Variants in DPP10 observed in about 807,000 individuals in gnomAD.
DPP10 encodes the protein dipeptidyl peptidase like 10.
DPP10 carries 33 observed loss-of-function variants against 120.9 expected under a neutral mutation model. The observed-to-expected ratio is 0.27, with a 90% CI of 0.21 to 0.37. The LOEUF (loss-of-function observed/expected upper bound fraction) is 0.37. Ranked by LOEUF, DPP10 falls within the 10% of genes least tolerant of loss-of-function variation. The pLI is 1.00. For synonymous variants in DPP10, 337 were observed against 326.1 expected, an observed-to-expected ratio of 1.03 and a Z score of -0.36; for missense variants, 816 against 942.8, an observed-to-expected ratio of 0.87 and a Z score of 1.76.
intron 8 of DPP10, among the ~76,000 whole-genome samples, chr2:115,732,420 G>T (rs2092932381): frequency 6.6e-6 from 1 of 152,036 alleles, no homozygotes; most frequent in Non-Finnish European, 1.5e-5. Flanking sequence ...GTATTGTTTA[G>T]TTCCTAAAGA....
intron 3 of DPP10, among the ~76,000 whole-genome samples, chr2:115,479,490 A>G (rs2105253818): frequency 6.6e-6 from 1 of 152,280 alleles, no homozygotes; most frequent in Middle Eastern, 3.4e-3. Flanking sequence ...GGTGGTGGCA[A>G]TGGTTATCCA....
chr2:114,628,357 A>T (rs1042990184), intron 1 of DPP10, among the ~76,000 whole-genome samples: 11 of 152,138 alleles, frequency 7.2e-5, no homozygotes, highest in Admixed American at 1.3e-4. Flanking sequence ...TTAGGAAGCA[A>T]TTTTTCACCA....
intron 1 of DPP10, among the ~76,000 whole-genome samples, chr2:114,957,597 A>G (rs1698309204): frequency 6.6e-6 from 1 of 152,232 alleles, no homozygotes; most frequent in African/African-American, 2.4e-5. Flanking sequence ...CTCTGGATAT[A>G]GTTCCAAAGG....
intron 1 of DPP10, among the ~76,000 whole-genome samples, chr2:115,103,334 C>G (rs2048793361): frequency 6.6e-6 from 1 of 151,944 alleles, no homozygotes; most frequent in Non-Finnish European, 1.5e-5. Flanking sequence ...ACTACAGGCA[C>G]CTGCCACCAC....
intron 5 of DPP10, among the ~76,000 whole-genome samples, chr2:115,635,785 T>C (rs563867039): frequency 3.9e-5 from 6 of 152,178 alleles, no homozygotes; most frequent in Non-Finnish European, 7.3e-5. Flanking sequence ...TTCTTAGGCT[T>C]TATATCATAT....
At chr2:115,078,503 C>T (rs2104479490) in intron 1 of DPP10, among the ~76,000 whole-genome samples, 1 of 152,208 alleles carries the variant, frequency 6.6e-6, no homozygotes, top group East Asian at 1.9e-4. Flanking sequence ...ACTAATGAAA[C>T]CCACTAAAAT....
intron 1 of DPP10, among the ~76,000 whole-genome samples, chr2:114,450,903 T>C (rs17048359): frequency 0.34 from 51,984 of 151,758 alleles, 9,008 homozygotes; most frequent in Admixed American, 0.44. Context: ...GTTCTGGCAC[T>C]CTAGTGAGGC....
At chr2:114,832,101 T>C (rs1397658595) in intron 1 of DPP10, among the ~76,000 whole-genome samples, 1 of 152,138 alleles carries the variant, frequency 6.6e-6, no homozygotes, top group East Asian at 1.9e-4. Flanking sequence ...ACCTTAGTCC[T>C]AAGTTATGAA....
chr2:114,830,460 C>T (rs1382743730), intron 1 of DPP10, among the ~76,000 whole-genome samples: 1 of 152,138 alleles, frequency 6.6e-6, no homozygotes, highest in Non-Finnish European at 1.5e-5. Context: ...TAAAATGTCA[C>T]GTTCTGTTTA....
In DPP10 at chr2:115,677,607, A is replaced by G. The variant is rs568705569; in HGVS notation, c.442-12080A>G. 1.0e-3 allele frequency among the ~76,000 whole-genome samples: 159 copies of G among 152,364 alleles called. 1 individual carries two copies. The highest frequency in any genetic ancestry group is 3.6e-3 in the African/African-American group (148 of 41,602). On this transcript the variant is annotated intron_variant, in intron 5 of 25. Coordinates refer to ENST00000410059, the MANE Select transcript of DPP10 (RefSeq NM_020868.6). Reference sequence around the variant, plus strand: ...GATATTTCATACAAATGGAAATAAAAAGTGAGCAGGAAAGCTATATTTATA... The same window carrying G: ...GATATTTCATACAAATGGAAATAAAGAGTGAGCAGGAAAGCTATATTTATA...
intron 1 of DPP10, among the ~76,000 whole-genome samples, chr2:114,710,982 T>C (rs1310214503): frequency 6.6e-6 from 1 of 152,130 alleles, no homozygotes; most frequent in Non-Finnish European, 1.5e-5. Flanking sequence ...GAGAATGCCA[T>C]CCTCCTGTGT....
chr2:114,688,845 C>T (rs536331453), intron 1 of DPP10, among the ~76,000 whole-genome samples: 182 of 151,880 alleles, frequency 1.2e-3, no homozygotes, highest in African/African-American at 4.3e-3. Flanking sequence ...CCATCGTCAA[C>T]AAAGGAGAAG....
chr2:115,003,067 T>C lies in DPP10; in HGVS notation c.61-306172T>C, dbSNP rs148956738. On this transcript the variant is annotated intron_variant, in intron 1 of 25. Coordinates refer to ENST00000410059, the MANE Select transcript of DPP10 (RefSeq NM_020868.6). ...TCATAAAGGAACATACATCTGTATG[T>C]TCATTGCAGCACTATTCACAATAGC... is the stretch of plus-strand genomic sequence containing the variant. 7.5e-4 allele frequency among the ~76,000 whole-genome samples: 114 copies of C among 151,998 alleles called. No individual in the cohort carries two copies. In the Middle Eastern group the frequency reaches 0.024, roughly 32 times the overall value.
At chr2:114,895,878 A>C (rs1692920271) in intron 1 of DPP10, among the ~76,000 whole-genome samples, 2 of 152,172 alleles carry the variant, frequency 1.3e-5, no homozygotes, top group Admixed American at 1.3e-4. Context: ...TAAAAGTTGT[A>C]GGTCTTCAAT....
At chr2:114,627,671 G>C (rs1037445781) in intron 1 of DPP10, among the ~76,000 whole-genome samples, 3 of 152,032 alleles carry the variant, frequency 2.0e-5, no homozygotes, top group Non-Finnish European at 4.4e-5. Context: ...AGGGCTAATT[G>C]GATGTAATTT....
chr2:115,321,087 G>A (rs1388245158), intron 2 of DPP10, among the ~76,000 whole-genome samples: 4 of 152,102 alleles, frequency 2.6e-5, no homozygotes, highest in Non-Finnish European at 5.9e-5. Context: ...ATCACCTGAG[G>A]CCAGGAGTTT....
chr2:114,925,015 G>A (rs185503442), intron 1 of DPP10, among the ~76,000 whole-genome samples: 3 of 152,046 alleles, frequency 2.0e-5, no homozygotes, highest in African/African-American at 7.2e-5. Context: ...TTTGAGACCA[G>A]CCTGGCTAAC....
intron 1 of DPP10, among the ~76,000 whole-genome samples, chr2:114,611,813 A>C (rs1573788939): frequency 6.6e-6 from 1 of 152,198 alleles, no homozygotes; most frequent in African/African-American, 2.4e-5. Context: ...TTGTATGAAG[A>C]GTGAATGGGC....
At chr2:115,808,513 C>T (rs1286104681) in intron 19 of DPP10, among the ~76,000 whole-genome samples, 3 of 152,142 alleles carry the variant, frequency 2.0e-5, no homozygotes, top group East Asian at 1.9e-4. Context: ...AGGCACTTTA[C>T]GCAGCTACAT....
Sources: allele counts gnomAD v4.1 joint callset (sites outside exome capture counted in the v4.1 genomes callset), GRCh38; gene constraint gnomAD v4.1.1; transcripts MANE v1.5; gene names NCBI Gene and HGNC (gene_info 2026-07-23, HGNC 2026-07-21).